The following GREB1L variants were observed in gnomAD, a reference collection of about 807,000 sequenced individuals.
GREB1L encodes the protein GREB1-like protein.
Under a neutral mutation model 200.8 loss-of-function variants are expected in GREB1L, and 17 were observed. The ratio of observed to expected loss-of-function variants is 0.08; its 90% CI spans 0.06 to 0.13. GREB1L has a LOEUF of 0.13. GREB1L is among the 10% of genes least tolerant of loss of function. GREB1L has a pLI of 1.00. For synonymous variants in GREB1L, 789 were observed against 893.0 expected (o/e 0.88, Z 2.08); for missense variants, 1,657 against 2,367.7 (o/e 0.70, Z 6.23).
At chr18:21,476,053 A>C (rs2035688415) in intron 16 of GREB1L, among the ~76,000 whole-genome samples, 1 of 142,854 alleles carries the variant, frequency 7.0e-6, no homozygotes, top group South Asian at 2.4e-4. Flanking sequence ...ATTATCTGGT[A>C]GGGGGCATCT....
At chr18:21,350,559 T>C (rs1049356343) in intron 1 of GREB1L, among the ~76,000 whole-genome samples, 11 of 152,134 alleles carry the variant, frequency 7.2e-5, no homozygotes, top group African/African-American at 2.4e-4. Flanking sequence ...TTAATAATAA[T>C]TTATGTTTTA....
intron 32 of GREB1L, among the ~76,000 whole-genome samples, chr18:21,522,063 A>C (rs1402347435): frequency 6.6e-6 from 1 of 151,196 alleles, no homozygotes; most frequent in East Asian, 2.0e-4. Context: ...TCCAAGTCCA[A>C]TAGTGCTGAG....
rs748956908 is a variant in GREB1L at position 21,439,533 on chromosome 18, G to C, written c.845G>C (p.Gly282Ala). 3 of 1,543,538 alleles carry C rather than the reference G, an allele frequency of 1.9e-6. No individual in the cohort carries two copies. The highest frequency in any genetic ancestry group is 2.6e-6 in the Non-Finnish European group (3 of 1,139,396). Residue 282 changes from glycine to alanine, a missense_variant, in exon 8 of 33, where the codon GGA (glycine) becomes GCA (alanine). Gly to Ala is a moderately conservative substitution (Grantham distance 60). Transcript: ENST00000424526. Reference protein sequence around the residue: ...SGFTQTDAANGNSSHGGKGSA... With the variant: ...SGFTQTDAANANSSHGGKGSA... ...TTGTGTTCTACAGATGCTGCTAATG[G>C]AAACAGTAGCCATGGAGGGAAGGGC... is the stretch of plus-strand genomic sequence containing the variant.
intron 20 of GREB1L, among the ~76,000 whole-genome samples, 164 bp downstream of exon 20, chr18:21,495,949 C>CT (rs200815978): frequency 1.7e-4 from 26 of 151,358 alleles, no homozygotes; most frequent in African/African-American, 3.6e-4. Context: ...TTCTTTTATT[C>CT]TTTTTTTTTA....
chr18:21,414,718 C>CGG, intron 7 of GREB1L, among the ~76,000 whole-genome samples: 1 of 151,986 alleles, frequency 6.6e-6, no homozygotes, highest in Non-Finnish European at 1.5e-5. Context: ...AGAGCAGAAT[C>CGG]GGGGTAGTAG....
chr18:21,496,507 C>T lies in GREB1L; in HGVS notation c.3200C>T (p.Thr1067Met), dbSNP rs1235291946. 1.9e-5 allele frequency: 29 copies of T among 1,551,568 alleles called. No individual in the cohort carries two copies. Among genetic ancestry groups the T allele is most frequent in the African/African-American group, 5.5e-5 (4 of 73,044 alleles). The change falls in exon 21 of 33, where the codon ACG (threonine) becomes ATG (methionine). Residue 1067 changes from threonine (T) to methionine (M), a missense_variant. Physicochemically the swap from Thr to Met is moderately conservative, Grantham distance 81 (BLOSUM62 -1). This residue lies in a region of GREB1L where 512 missense variants were observed against 668.3 expected (regional missense o/e 0.77). Coordinates refer to ENST00000424526, the MANE Select transcript of GREB1L (RefSeq NM_001142966.3). ...RLIDSSYLTR[T>M]ALEQEVGLAC... is the part of the protein sequence containing the mutation. ...ATTGACTCAAGCTATTTAACTCGCACGGCCTTGGAGCAGGAGGTGGGTCTG... is the reference window on the plus strand; with the variant it reads ...ATTGACTCAAGCTATTTAACTCGCATGGCCTTGGAGCAGGAGGTGGGTCTG...
Position 21,490,229 on chromosome 18 carries a change from T to C in GREB1L, c.2908T>C (p.Leu970=). The C allele has an allele frequency of 6.4e-7, 1 of 1,551,896 alleles. No individual in the cohort carries two copies. ...GGTGCCCTCGGTGCAGCTGGCGATG[T>C]TAGCCAAGGAGCGGCTACAGGAGGT... The part of the protein sequence containing the change: ...IRVPSVQLAM[L]AKERLQEVRD... Residue 970 remains leucine (L), a synonymous_variant, in exon 19 of 33, where the codon TTA becomes CTA. Transcript: ENST00000424526.
chr18:21,375,797 G>A (rs1190359093), intron 2 of GREB1L, among the ~76,000 whole-genome samples: 5 of 151,976 alleles, frequency 3.3e-5, no homozygotes, highest in African/African-American at 9.7e-5. Flanking sequence ...GTGCTTGCTC[G>A]GCACTTAGTA....
chr18:21,335,153 C>G (rs1598668221), intron 1 of GREB1L, among the ~76,000 whole-genome samples: 1 of 152,120 alleles, frequency 6.6e-6, no homozygotes, highest in East Asian at 1.9e-4. Context: ...TTCTCTCTTT[C>G]CCCGTAATAA....
At chr18:21,308,049 CA>C (rs1308623932) in intron 1 of GREB1L, among the ~76,000 whole-genome samples, 1 of 152,176 alleles carries the variant, frequency 6.6e-6, no homozygotes, top group Non-Finnish European at 1.5e-5. Flanking sequence ...TTGGATGTGC[CA>C]TCTGTTTCCT....
At chr18:21,252,792 C>T (rs576197971) in intron 1 of GREB1L, among the ~76,000 whole-genome samples, 63 of 149,260 alleles carry the variant, frequency 4.2e-4, no homozygotes, top group Middle Eastern at 7.3e-3. Flanking sequence ...CGCTTGAACC[C>T]GGGAGGCGGA....
intron 1 of GREB1L, among the ~76,000 whole-genome samples, chr18:21,357,361 T>C (rs1265488128): frequency 2.0e-5 from 3 of 152,214 alleles, no homozygotes; most frequent in Non-Finnish European, 4.4e-5. Flanking sequence ...CTACTTGAGT[T>C]ATTTATAGTT....
intron 1 of GREB1L, among the ~76,000 whole-genome samples, chr18:21,288,056 GCCTCCCAT>G (rs1299329627): frequency 1.3e-5 from 2 of 152,030 alleles, no homozygotes; most frequent in African/African-American, 4.8e-5. Flanking sequence ...GCCCACCTTA[GCCTCCCAT>G]AGTGTTGGGA....
intron 1 of GREB1L, among the ~76,000 whole-genome samples, chr18:21,355,490 CCTT>C (rs2039490736): frequency 6.6e-6 from 1 of 152,168 alleles, no homozygotes; most frequent in Admixed American, 6.6e-5. Flanking sequence ...CCACACCTGG[CCTT>C]CTTGTTCAAT....
At position 21,261,328 on chromosome 18, in the gene GREB1L, G is replaced by T. The variant is rs1023787074; in HGVS notation, c.-120+18935G>T. On this transcript the variant is annotated intron_variant, in intron 1 of 32. Transcript: ENST00000424526. ...GTTTTTAAGGAAGCTTCTGCTTACC[G>T]CTATTCTCTTTAAAACAGGTCAAGA... Among the ~76,000 whole-genome samples, 7 of 151,984 alleles carry T rather than the reference G, an allele frequency of 4.6e-5. No individual in the cohort carries two copies. The East Asian group carries it at 9.6e-4, about 21-fold the overall frequency.
intron 1 of GREB1L, among the ~76,000 whole-genome samples, chr18:21,244,578 G>A (rs945438749): frequency 2.6e-5 from 4 of 152,138 alleles, no homozygotes; most frequent in Non-Finnish European, 5.9e-5. Flanking sequence ...GATTAAAATA[G>A]TTGTCCTAAA....
At chr18:21,386,186 T>C (rs1253631396) in intron 4 of GREB1L, among the ~76,000 whole-genome samples, 2 of 152,224 alleles carry the variant, frequency 1.3e-5, no homozygotes, top group African/African-American at 4.8e-5. Context: ...TCAGCTACTT[T>C]TGGTTCTTAT....
At chr18:21,314,219 T>C (rs954369275) in intron 1 of GREB1L, among the ~76,000 whole-genome samples, 49 of 152,218 alleles carry the variant, frequency 3.2e-4, no homozygotes, top group African/African-American at 1.2e-3. Context: ...AGGATGCTTC[T>C]ATTCTTTGCT....
At chr18:21,506,389 C>T (rs887024708) in intron 25 of GREB1L, among the ~76,000 whole-genome samples, 44 of 148,188 alleles carry the variant, frequency 3.0e-4, no homozygotes, top group Non-Finnish European at 4.5e-4. Context: ...AGTGGGACTC[C>T]GTCTCAAAAA....
Sources: gnomAD v4.1 joint callset for allele counts (sites outside exome capture counted in the v4.1 genomes callset) on GRCh38, gnomAD v4.1.1 for gene constraint, gnomAD v4.1.1 regional missense constraint, MANE v1.5 for transcripts, NCBI Gene and HGNC (gene_info 2026-07-23, HGNC 2026-07-21) for gene names.